The following ZNRF3 variants were observed in gnomAD, a reference collection of about 807,000 sequenced individuals.
ZNRF3 encodes the protein zinc and ring finger 3.
Under a neutral mutation model 72.5 loss-of-function variants are expected in ZNRF3, and 23 were observed. That is an observed-to-expected ratio of 0.32 (90% CI 0.23 to 0.45). ZNRF3 has a LOEUF of 0.45. ZNRF3 is among the 20% of genes least tolerant of loss of function. ZNRF3 has a pLI of 1.00. For missense variants in ZNRF3, 1,169 were observed against 1,272.1 expected (o/e 0.92, Z 1.23); for synonymous variants, 610 against 545.3 (o/e 1.12, Z -1.65).
At chr22:28,955,231 T>C (rs2123798542) in intron 1 of ZNRF3, among the ~76,000 whole-genome samples, 1 of 149,522 alleles carries the variant, frequency 6.7e-6, no homozygotes, top group East Asian at 2.0e-4. Context: ...TTTGTAGCGA[T>C]GGAGTCTTGG....
In ZNRF3 at chr22:29,049,494, G is replaced by A. The variant is rs966334000; in HGVS notation, c.1313G>A (p.Arg438Gln). Residue 438 changes from arginine to glutamine, a missense_variant, in exon 8 of 9, where the codon CGG becomes CAG. Transcript: ENST00000544604. This position sits in a 1 kb window ranked among gnomAD's most constrained non-coding sequence, Gnocchi z 5.2. ...LAAHRCGLEH[R>Q]AYSPAHPFRR... ...GCTCACCGCTGCGGCCTGGAGCACC[G>A]GGCCTACTCCCCAGCCCACCCCTTC... The A allele has an allele frequency of 3.1e-6, 5 of 1,604,588 alleles. No individual in the cohort carries two copies. Among genetic ancestry groups the A allele is most frequent in the Admixed American group, 1.7e-5 (1 of 59,924 alleles).
chr22:28,946,573 G>T (rs1297670620), intron 1 of ZNRF3, among the ~76,000 whole-genome samples: 3 of 152,220 alleles, frequency 2.0e-5, no homozygotes, highest in African/African-American at 7.2e-5. Flanking sequence ...ACTAAATACG[G>T]ACGAATGGCA....
In ZNRF3 at chr22:29,030,381, G is replaced by A. The variant is rs1250812908; in HGVS notation, c.427-12114G>A. Among the ~76,000 whole-genome samples, 1 of 152,154 alleles carries A rather than the reference G, an allele frequency of 6.6e-6. No individual in the cohort carries two copies. Among genetic ancestry groups the A allele is most frequent in the Non-Finnish European group, 1.5e-5 (1 of 68,038 alleles). On this transcript the variant is annotated intron_variant, in intron 2 of 8. Transcript: ENST00000544604. This position sits in a 1 kb window ranked among gnomAD's most constrained non-coding sequence, Gnocchi z 4.2. ...CCTTTAATTAGGAGAAATTAAGTGG[G>A]GCTGCTACATATTTTGAGAATAAGT...
chr22:28,904,845 C>A (rs1346680329), intron 1 of ZNRF3, among the ~76,000 whole-genome samples: 4 of 151,928 alleles, frequency 2.6e-5, no homozygotes, highest in Non-Finnish European at 4.4e-5. Flanking sequence ...TTTCTTCAGG[C>A]TGAGTTTTTT....
At chr22:29,040,939 A>G (rs2036951721) in intron 2 of ZNRF3, among the ~76,000 whole-genome samples, 1 of 152,226 alleles carries the variant, frequency 6.6e-6, no homozygotes, top group Non-Finnish European at 1.5e-5. Flanking sequence ...ACATCAATGT[A>G]GAGCGATTAT....
chr22:28,885,012 A>G (rs2033751248), intron 1 of ZNRF3, among the ~76,000 whole-genome samples: 1 of 152,080 alleles, frequency 6.6e-6, no homozygotes, highest in African/African-American at 2.4e-5. Flanking sequence ...CGCGCCTCGG[A>G]TGGGGGCGAT....
rs1180189451 is a variant in ZNRF3, at chr22:28,987,165, A to T, written c.390A>T (p.Glu130Asp). 6.2e-7 allele frequency: 1 copy of T among 1,613,902 alleles called. No homozygotes were observed. Among genetic ancestry groups the T allele is most frequent in the Non-Finnish European group, 8.5e-7 (1 of 1,179,924 alleles). The stretch of plus-strand genomic sequence containing the variant: ...GAGTGGTGAAGCTGGAACAGCCAGA[A>T]TTGGACCCGAAACCATGCCTCACTG... ...WVGVVKLEQPELDPKPCLTVL... is the reference protein window; with the variant it reads ...WVGVVKLEQPDLDPKPCLTVL... The change falls in exon 2 of 9, where the codon GAA becomes GAT. Residue 130 changes from glutamate to aspartate, a missense_variant. Glu to Asp is a conservative substitution (Grantham distance 45). This residue lies in a region of ZNRF3 where 386 missense variants were observed against 540.7 expected (regional missense o/e 0.71). Coordinates refer to ENST00000544604, the MANE Select transcript of ZNRF3 (RefSeq NM_001206998.2).
chr22:28,978,895 A>G (rs2035720441), intron 1 of ZNRF3, among the ~76,000 whole-genome samples: 1 of 152,192 alleles, frequency 6.6e-6, no homozygotes, highest in Non-Finnish European at 1.5e-5. Context: ...GCATTCTTCC[A>G]ATGTAGTTAT....
rs3037492 is a variant in ZNRF3 at position 29,020,776 on chromosome 22, G to GGTGT, written c.427-21686_427-21683dup. On this transcript the variant is annotated intron_variant, in intron 2 of 8. Coordinates refer to ENST00000544604, the MANE Select transcript of ZNRF3 (RefSeq NM_001206998.2). ...GGGGCTTTGTTTTTGTGTGTGTGTGGGTGTGTGTGTGTGTGTGTGTGTGTG... is the reference window on the plus strand; with the variant it reads ...GGGGCTTTGTTTTTGTGTGTGTGTGGGTGTGTGTGTGTGTGTGTGTGTGTGTGTG... Among the ~76,000 whole-genome samples, 699 of 86,124 alleles carry GGTGT rather than the reference G, an allele frequency of 8.1e-3. 5 individuals carry two copies. The highest frequency in any genetic ancestry group is 0.016 in the East Asian group (40 of 2,562). 56.5% of individuals were successfully genotyped at this position (86,124 alleles called of 152,430 possible).
chr22:29,036,189 A>G (rs1217298409), intron 2 of ZNRF3, among the ~76,000 whole-genome samples: 1 of 152,200 alleles, frequency 6.6e-6, no homozygotes, highest in Admixed American at 6.5e-5. Context: ...CATATCATGC[A>G]CATATTACCC....
chr22:28,942,542 C>A (rs879664350), intron 1 of ZNRF3, among the ~76,000 whole-genome samples: 1 of 152,136 alleles, frequency 6.6e-6, no homozygotes, highest in Non-Finnish European at 1.5e-5. Context: ...TGAGTGACCT[C>A]GGGCAAGTCT....
chr22:28,949,639 A>AGT (rs1198498974), intron 1 of ZNRF3, among the ~76,000 whole-genome samples: 1 of 152,240 alleles, frequency 6.6e-6, no homozygotes, highest in African/African-American at 2.4e-5. Flanking sequence ...TCAGACTCAT[A>AGT]GTGATAGGTA....
chr22:29,047,532 T>A (rs1460923858), intron 6 of ZNRF3, among the ~76,000 whole-genome samples: 1 of 152,244 alleles, frequency 6.6e-6, no homozygotes, highest in Non-Finnish European at 1.5e-5. Flanking sequence ...ACACAGACTC[T>A]GGGTTCTAAT....
chr22:29,049,725 T>G lies in ZNRF3; in HGVS notation c.1544T>G (p.Val515Gly), dbSNP rs765017823. The G allele has an allele frequency of 1.9e-6, 3 of 1,600,026 alleles. No individual in the cohort carries two copies. Among genetic ancestry groups the G allele is most frequent in the Non-Finnish European group, 2.6e-6 (3 of 1,173,386 alleles). ...GSLLFPTVVH[V>G]APPSHLESGS... is the part of the protein sequence containing the mutation. ...CTGCTCTTCCCCACCGTGGTGCACG[T>G]GGCCCCGCCCTCCCACCTGGAGAGC... The change falls in exon 8 of 9, where the codon GTG becomes GGG. Residue 515 changes from valine (V) to glycine (G), a missense_variant. Physicochemically the swap from Val to Gly is moderately radical, Grantham distance 109. This residue lies in a region of ZNRF3 where 783 missense variants were observed against 731.4 expected (regional missense o/e 1.07). Transcript: ENST00000544604. This position sits in a 1 kb window ranked among gnomAD's most constrained non-coding sequence, Gnocchi z 5.2.
intron 1 of ZNRF3, among the ~76,000 whole-genome samples, chr22:28,938,639 A>G (rs918924193): frequency 6.6e-6 from 1 of 152,180 alleles, no homozygotes; most frequent in Non-Finnish European, 1.5e-5. Flanking sequence ...TGTTCAGCTT[A>G]GGGTGAACAT....
chr22:28,947,125 T>A (rs2035066840), intron 1 of ZNRF3, among the ~76,000 whole-genome samples: 1 of 152,174 alleles, frequency 6.6e-6, no homozygotes, highest in African/African-American at 2.4e-5. Context: ...AACACTTTAT[T>A]TTGAATCCTT....
chr22:28,894,462 C>G (rs1288064486), intron 1 of ZNRF3, among the ~76,000 whole-genome samples: 1 of 151,654 alleles, frequency 6.6e-6, no homozygotes, highest in African/African-American at 2.4e-5. Context: ...GATTCAGGAG[C>G]AGCAGGTTGC....
rs563829339 is a variant in ZNRF3, at chr22:28,960,703, G to A, written c.301-26373G>A. Reference sequence around the variant, plus strand: ...TACTGCCCCCTTTTGAAACTGGGTCGTTTCCAGTTCCGAGTGGGGAGGCTG... The same window carrying A: ...TACTGCCCCCTTTTGAAACTGGGTCATTTCCAGTTCCGAGTGGGGAGGCTG... On this transcript the variant is annotated intron_variant, in intron 1 of 8. Transcript: ENST00000544604. Among the ~76,000 whole-genome samples, 133 of 152,234 alleles carry A rather than the reference G, an allele frequency of 8.7e-4. 1 individual carries two copies. In the South Asian group the frequency reaches 0.021, roughly 24 times the overall value.
rs745517806 is a variant in ZNRF3 at position 29,049,907 on chromosome 22, A to C, written c.1726A>C (p.Asn576His). 2.5e-5 allele frequency: 40 copies of C among 1,603,396 alleles called. No homozygotes were observed. Among genetic ancestry groups the C allele is most frequent in the Non-Finnish European group, 3.4e-5 (40 of 1,174,676 alleles). Residue 576 changes from asparagine (N) to histidine (H), a missense_variant, in exon 8 of 9, where the codon AAC (asparagine) becomes CAC (histidine). By Grantham distance (68) the Asn-to-His change is moderately conservative. Coordinates refer to ENST00000544604, the MANE Select transcript of ZNRF3 (RefSeq NM_001206998.2). This position sits in a 1 kb window ranked among gnomAD's most constrained non-coding sequence, Gnocchi z 5.2. ...DSVVDCTEVS[N>H]QGVYGSCSTF... ...TGTGGTAGACTGCACTGAGGTCAGC[A>C]ACCAGGGCGTGTACGGGAGCTGCTC...
Sources: gnomAD v4.1 joint callset for allele counts (sites outside exome capture counted in the v4.1 genomes callset) on GRCh38, gnomAD v4.1.1 for gene constraint, gnomAD v4.1.1 regional missense constraint, Gnocchi (gnomAD v3.1) non-coding constraint, MANE v1.5 for transcripts, NCBI Gene and HGNC (gene_info 2026-07-23, HGNC 2026-07-21) for gene names.